Variants in TGFBRAP1 observed in about 807,000 individuals in gnomAD.
TGFBRAP1 encodes transforming growth factor beta receptor associated protein 1.
In TGFBRAP1, 20 loss-of-function variants were observed where a neutral mutation model predicts 83.2. That is an observed-to-expected ratio of 0.24 (90% CI 0.17 to 0.35). The LOEUF is 0.35. Among genes scored for constraint, TGFBRAP1 ranks in the 10% least tolerant of loss-of-function variants. The pLI, the probability that TGFBRAP1 is intolerant of heterozygous loss-of-function variation, is 1.00. For synonymous variants in TGFBRAP1, 415 were observed against 459.8 expected (o/e 0.90, Z 1.25); for missense variants, 950 against 1,099.4 (o/e 0.86, Z 1.92).
rs1202491341 is a variant in TGFBRAP1 at position 105,280,449 on chromosome 2, C to T, written c.1396G>A (p.Asp466Asn). The T allele has an allele frequency of 6.2e-7, 1 of 1,614,208 alleles. No individual in the cohort carries two copies. Among genetic ancestry groups the T allele is most frequent in the Non-Finnish European group, 8.5e-7 (1 of 1,180,034 alleles). The part of the protein sequence containing the change: ...YAEADHDSLL[D>N]LLVTENFCLL... Reference sequence around the variant, plus strand: ...CAGAAGTTCTCAGTGACCAGGAGGTCCAGCAGGCTGTCGTGGTCAGCCTCT... The same window carrying T: ...CAGAAGTTCTCAGTGACCAGGAGGTTCAGCAGGCTGTCGTGGTCAGCCTCT... The change falls in exon 6 of 12, where the codon GAC (aspartate) becomes AAC (asparagine). Residue 466 changes from aspartate (D) to asparagine (N), a missense_variant. Physicochemically the swap from Asp to Asn is conservative, Grantham distance 23. Coordinates refer to ENST00000393359, the MANE Select transcript of TGFBRAP1 (RefSeq NM_004257.6).
intron 1 of TGFBRAP1, among the ~76,000 whole-genome samples, chr2:105,328,552 C>A (rs1679284541): frequency 6.6e-6 from 1 of 152,230 alleles, no homozygotes; most frequent in Non-Finnish European, 1.5e-5. Context: ...AGCCACCACA[C>A]AGTCCCTCTA....
intron 4 of TGFBRAP1, among the ~76,000 whole-genome samples, chr2:105,294,155 C>A (rs1045654694): frequency 6.6e-6 from 1 of 152,170 alleles, no homozygotes; most frequent in African/African-American, 2.4e-5. Context: ...CCAGTCATTA[C>A]CGAATTCTTT....
Position 105,267,029 on chromosome 2 carries a change from G to A in TGFBRAP1, c.*354C>T, listed in dbSNP as rs140377677. On this transcript the variant is annotated 3_prime_UTR_variant, in exon 12 of 12. Coordinates refer to ENST00000393359, the MANE Select transcript of TGFBRAP1 (RefSeq NM_004257.6). Reference sequence around the variant, plus strand: ...TAAAGGTTGGAGTGTGGGGGTGGTGGGGGATCCCCCACCTGGGTCTGGACT... The same window carrying A: ...TAAAGGTTGGAGTGTGGGGGTGGTGAGGGATCCCCCACCTGGGTCTGGACT... 9.8e-6 allele frequency: 2 copies of A among 203,650 alleles called. No homozygotes were observed. The highest frequency in any genetic ancestry group is 2.1e-4 in the East Asian group (2 of 9,504). The allele number at this position is 203,650 out of a possible 1,614,324, so 12.6% of individuals were successfully genotyped here.
the TGFBRAP1 span, chr2:105,249,940 A>G: frequency 6.6e-6 from 1 of 152,256 alleles, no homozygotes; most frequent in Non-Finnish European, 1.5e-5. Context: ...ATGCAAAAGT[A>G]TGGTGTGTGC....
chr2:105,308,096 A>C lies in TGFBRAP1; in HGVS notation c.206T>G (p.Leu69Arg). ...CTTCTTGAAGCCCAAGTGTCTCTGC[A>C]GCTGTTTGGTGGCAGTGAACGTGGC... ...GPATFTATKQ[L>R]QRHLGFKKPV... Residue 69 changes from leucine to arginine, a missense_variant, in exon 2 of 12, where the codon CTG becomes CGG. By Grantham distance (102) the Leu-to-Arg change is moderately radical. Transcript: ENST00000393359. 6.2e-7 allele frequency: 1 copy of C among 1,614,134 alleles called. No homozygotes were observed.
chr2:105,283,162 C>T (rs1465633842), intron 5 of TGFBRAP1, among the ~76,000 whole-genome samples: 1 of 152,206 alleles, frequency 6.6e-6, no homozygotes, highest in Non-Finnish European at 1.5e-5. Context: ...CTGACTTAAA[C>T]CCTGAAGCCA....
intron 8 of TGFBRAP1, 27 bp downstream of exon 8, chr2:105,275,533 G>T: frequency 6.2e-7 from 1 of 1,611,614 alleles, no homozygotes; most frequent in South Asian, 1.1e-5. Context: ...CCCAACCAAA[G>T]AGAATGCATT....
chr2:105,324,960 C>T (rs1679182279), intron 1 of TGFBRAP1: 1 of 152,366 alleles, frequency 6.6e-6, no homozygotes, highest in Admixed American at 6.5e-5. Context: ...TTGGTCACTT[C>T]CTGATGATCT....
chr2:105,275,771 G>C, intron 7 of TGFBRAP1, 68 bp from the exon 8 acceptor site: 1 of 1,478,412 alleles, frequency 6.8e-7, no homozygotes, highest in Non-Finnish European at 9.1e-7. Flanking sequence ...ACATATCTCA[G>C]AATTAGTTGA....
intron 5 of TGFBRAP1, among the ~76,000 whole-genome samples, chr2:105,283,096 T>C (rs944990458): frequency 3.9e-5 from 6 of 152,092 alleles, no homozygotes; most frequent in Non-Finnish European, 2.9e-5. Context: ...TCTTCAACAC[T>C]GTAGGGCTAA....
In TGFBRAP1 at chr2:105,307,752, G is replaced by C; in HGVS notation, c.550C>G (p.Leu184Val). 1 of 1,614,154 alleles carries C rather than the reference G, an allele frequency of 6.2e-7. No individual in the cohort carries two copies. Among genetic ancestry groups the C allele is most frequent in the African/African-American group, 1.3e-5 (1 of 75,030 alleles). ...AVDGHFLCLA[L>V]TTQYIIHNYS... is the part of the protein sequence containing the mutation. ...TTGTGGATGATGTACTGAGTGGTCA[G>C]AGCCAGACACAGGAAGTGGCCGTCC... The change falls in exon 2 of 12, where the codon CTG becomes GTG. Residue 184 changes from leucine (L) to valine (V), a missense_variant. By Grantham distance (32) the Leu-to-Val change is conservative (BLOSUM62 1). Coordinates refer to ENST00000393359, the MANE Select transcript of TGFBRAP1 (RefSeq NM_004257.6).
downstream of TGFBRAP1, among the ~76,000 whole-genome samples, chr2:105,261,204 T>C (rs966903528): frequency 2.0e-5 from 3 of 152,062 alleles, no homozygotes; most frequent in Non-Finnish European, 4.4e-5. Context: ...AGTTCTATCA[T>C]GCACATTGCT....
At chr2:105,312,196 G>A (rs1482581104) in intron 1 of TGFBRAP1, among the ~76,000 whole-genome samples, 1 of 151,942 alleles carries the variant, frequency 6.6e-6, no homozygotes, top group African/African-American at 2.4e-5. Flanking sequence ...TCACTTTAAG[G>A]CTTACCTATA....
chr2:105,260,518 AC>A (rs751861312), downstream of TGFBRAP1, among the ~76,000 whole-genome samples: 1 of 152,200 alleles, frequency 6.6e-6, no homozygotes, highest in Non-Finnish European at 1.5e-5. Context: ...GTGTGATTCC[AC>A]TTTTATGAGA....
chr2:105,316,305 C>CTGTGTATTT (rs1322123565), intron 1 of TGFBRAP1, among the ~76,000 whole-genome samples: 1 of 146,708 alleles, frequency 6.8e-6, no homozygotes, highest in Non-Finnish European at 1.5e-5. Flanking sequence ...CCTTTATGTT[C>CTGTGTATTT]TGTGTATTTT....
intron 11 of TGFBRAP1, 27 bp from the exon 12 acceptor site, chr2:105,267,586 T>C (rs757916595): frequency 6.2e-7 from 1 of 1,613,680 alleles, no homozygotes; most frequent in Non-Finnish European, 8.5e-7. Flanking sequence ...AGACTGAGAA[T>C]GCTGTCATGT....
intron 6 of TGFBRAP1, among the ~76,000 whole-genome samples, chr2:105,277,877 T>C (rs918942296): frequency 7.9e-5 from 12 of 152,080 alleles, no homozygotes; most frequent in Non-Finnish European, 1.6e-4. Flanking sequence ...AACAACATAG[T>C]GAGATCTTGT....
chr2:105,258,497 G>C, the TGFBRAP1 span, among the ~76,000 whole-genome samples: 35 of 151,802 alleles, frequency 2.3e-4, no homozygotes, highest in Admixed American at 5.9e-4. Flanking sequence ...ACTTGGCTCA[G>C]TGCTTGAGCT....
In TGFBRAP1 at chr2:105,269,877, CT is replaced by C. The variant is rs992282860; in HGVS notation, c.1973-173del. Among the ~76,000 whole-genome samples, 2 of 152,184 alleles carry C rather than the reference CT, an allele frequency of 1.3e-5. No homozygotes were observed. The highest frequency in any genetic ancestry group is 6.5e-5 in the Admixed American group (1 of 15,286). The stretch of plus-strand genomic sequence containing the variant: ...GGGTAGGTTTTCTTGCATTTTCACA[CT>C]GTGAATCCAGGTGTTAGTAAAACAG... On this transcript the variant is annotated intron_variant, in intron 10 of 11. Coordinates refer to ENST00000393359, the MANE Select transcript of TGFBRAP1 (RefSeq NM_004257.6). This position sits in a 1 kb window ranked among gnomAD's most constrained non-coding sequence, Gnocchi z 4.1.
Sources: gnomAD v4.1 joint callset for allele counts (sites outside exome capture counted in the v4.1 genomes callset) on GRCh38, gnomAD v4.1.1 for gene constraint, Gnocchi (gnomAD v3.1) non-coding constraint, MANE v1.5 for transcripts, NCBI Gene and HGNC (gene_info 2026-07-23, HGNC 2026-07-21) for gene names.